The following NPEPPS variants were observed in gnomAD, a reference collection of about 807,000 sequenced individuals.
NPEPPS encodes the protein aminopeptidase puromycin sensitive, also known as puromycin-sensitive aminopeptidase.
A neutral mutation model predicts 115.5 loss-of-function variants in NPEPPS; 14 were observed. The observed-to-expected ratio is 0.12, with a 90% CI of 0.08 to 0.19. NPEPPS has a LOEUF of 0.19. Ranked by LOEUF, NPEPPS falls within the 10% of genes least tolerant of loss-of-function variation. The probability of loss-of-function intolerance (pLI) is 1.00; values close to 1 mark genes in which losing one functional copy is unlikely to be tolerated. For missense variants in NPEPPS, 523 were observed against 1,110.8 expected, an observed-to-expected ratio of 0.47 and a Z score of 7.52; for synonymous variants, 285 against 390.6, an observed-to-expected ratio of 0.73 and a Z score of 3.19.
chr17:47,606,686 G>A (rs374482495), intron 17 of NPEPPS, among the ~76,000 whole-genome samples: 1 of 150,994 alleles, frequency 6.6e-6, no homozygotes, highest in Non-Finnish European at 1.5e-5. Context: ...CAAGTGATCT[G>A]CCCGTCTCGG....
chr17:47,532,117 A>G (rs577903898), intron 1 of NPEPPS, among the ~76,000 whole-genome samples: 6 of 152,030 alleles, frequency 3.9e-5, no homozygotes, highest in African/African-American at 1.4e-4. Flanking sequence ...CGAGAATGTT[A>G]ATCCCAGGCA....
At chr17:47,613,893 ATATCAGTAT>A (rs144417192) in intron 19 of NPEPPS, among the ~76,000 whole-genome samples, 168 bp downstream of exon 19, 8,141 of 152,108 alleles carry the variant, frequency 0.054, 394 homozygotes, top group African/African-American at 0.11. Flanking sequence ...CATATATGTT[ATATCAGTAT>A]TATCAGTATG....
intron 1 of NPEPPS, among the ~76,000 whole-genome samples, chr17:47,540,749 A>G (rs571221850): frequency 1.3e-5 from 2 of 152,358 alleles, no homozygotes; most frequent in South Asian, 2.1e-4. Context: ...CTTAACATCT[A>G]TTAAGTGATG....
chr17:47,607,085 C>T (rs974082262), intron 17 of NPEPPS, among the ~76,000 whole-genome samples: 13 of 151,740 alleles, frequency 8.6e-5, no homozygotes, highest in Admixed American at 7.2e-4. Context: ...CTTAGCTACT[C>T]GGGAGGCTGA....
rs1344729386 is a variant in NPEPPS, at chr17:47,600,069, C to T, written c.1600+330C>T. ...TCCTGACCTCGAGATCCGCCTGCCT[C>T]AGCCTCCCAAAGTGTTGGTATTACA... On this transcript the variant is annotated intron_variant, in intron 14 of 22. Transcript: ENST00000322157. Among the ~76,000 whole-genome samples the T allele has an allele frequency of 2.6e-5, 4 of 152,150 alleles. No individual in the cohort carries two copies. The East Asian group carries it at 5.8e-4, about 22-fold the overall frequency.
chr17:47,562,260 A>G (rs1336269820), intron 2 of NPEPPS, among the ~76,000 whole-genome samples: 2 of 152,200 alleles, frequency 1.3e-5, no homozygotes, highest in Non-Finnish European at 2.9e-5. Flanking sequence ...TAGCCTTACA[A>G]CTAGTGTCTG....
intron 3 of NPEPPS, among the ~76,000 whole-genome samples, chr17:47,577,435 T>A (rs1315347421): frequency 6.6e-6 from 1 of 152,116 alleles, no homozygotes; most frequent in African/African-American, 2.4e-5. Flanking sequence ...TTTAAAAAAA[T>A]TAAGTGAATT....
chr17:47,616,645 T>C (rs1212235834), intron 19 of NPEPPS, among the ~76,000 whole-genome samples: 2 of 150,992 alleles, frequency 1.3e-5, no homozygotes, highest in Non-Finnish European at 3.0e-5. Flanking sequence ...TATTGTGCCA[T>C]TGCACTCCAG....
chr17:47,568,493 G>A (rs772061384), intron 2 of NPEPPS, among the ~76,000 whole-genome samples: 4 of 152,032 alleles, frequency 2.6e-5, no homozygotes, highest in Non-Finnish European at 5.9e-5. Context: ...TTTTCATTTG[G>A]AATGGGGATA....
chr17:47,544,576 C>T (rs1442896505), intron 1 of NPEPPS, among the ~76,000 whole-genome samples: 1 of 149,840 alleles, frequency 6.7e-6, no homozygotes, highest in Non-Finnish European at 1.5e-5. Flanking sequence ...ACTCTGTTAC[C>T]AGGCTGGAGT....
At chr17:47,577,622 C>A (rs1190265299) in intron 3 of NPEPPS, among the ~76,000 whole-genome samples, 1 of 152,106 alleles carries the variant, frequency 6.6e-6, no homozygotes, top group African/African-American at 2.4e-5. Flanking sequence ...TTACAAACAT[C>A]TGATTTTTAA....
At chr17:47,554,502 T>C (rs1376472404) in intron 2 of NPEPPS, among the ~76,000 whole-genome samples, 1 of 152,136 alleles carries the variant, frequency 6.6e-6, no homozygotes, top group South Asian at 2.1e-4. Flanking sequence ...GCTAGGACTA[T>C]AGGTGTGCAC....
At chr17:47,535,729 C>T (rs1334092072) in intron 1 of NPEPPS, among the ~76,000 whole-genome samples, 1 of 150,046 alleles carries the variant, frequency 6.7e-6, no homozygotes, top group African/African-American at 2.5e-5. Context: ...TATTTTGATC[C>T]TCTCCGTTTG....
chr17:47,594,321 TTTTC>T (rs1912704081), intron 12 of NPEPPS, among the ~76,000 whole-genome samples: 1 of 152,190 alleles, frequency 6.6e-6, no homozygotes, highest in South Asian at 2.1e-4. Context: ...TAAAAATAAT[TTTTC>T]TTTCTTGAAT....
chr17:47,587,541 T>G, intron 9 of NPEPPS, among the ~76,000 whole-genome samples, 197 bp downstream of exon 9: 1 of 151,912 alleles, frequency 6.6e-6, no homozygotes, highest in Non-Finnish European at 1.5e-5. Flanking sequence ...TGGACAGTCT[T>G]TATTCAACAG....
At chr17:47,524,008 T>G (rs1206755683) in intron 1 of NPEPPS, among the ~76,000 whole-genome samples, 4 of 151,942 alleles carry the variant, frequency 2.6e-5, no homozygotes, top group Admixed American at 6.6e-5. Context: ...TTTTTTTTTT[T>G]AAGAGACAGG....
At position 47,531,183 on chromosome 17, in the gene NPEPPS, C is replaced by A. The variant is rs1197685833; in HGVS notation, c.-118C>A. The A allele has an allele frequency of 1.7e-5, 24 of 1,379,896 alleles. No homozygotes were observed. The Admixed American group carries it at 4.4e-4, about 25-fold the overall frequency. The allele number at this position is 1,379,896 out of a possible 1,614,324, so 85.5% of individuals were successfully genotyped here. On this transcript the variant is annotated 5_prime_UTR_variant, in exon 1 of 23. Transcript: ENST00000322157. The stretch of plus-strand genomic sequence containing the variant: ...TCCGCCCCCTTCCCCGTAGGCAGCC[C>A]GCCCGCCAGTCCGCCCGCACCGCCT...
chr17:47,599,057 AAGAAT>A (rs1272955580), intron 13 of NPEPPS, among the ~76,000 whole-genome samples: 1 of 152,194 alleles, frequency 6.6e-6, no homozygotes, highest in African/African-American at 2.4e-5. Context: ...TAATTCTTTT[AAGAAT>A]AGGAGAGCTG....
At chr17:47,529,120 C>CTACA (rs924737744), upstream of NPEPPS, among the ~76,000 whole-genome samples, 29 of 152,234 alleles carry the variant, frequency 1.9e-4, no homozygotes, top group African/African-American at 7.0e-4. Flanking sequence ...TTACAACATA[C>CTACA]TACATTCAGT....
Sources: allele counts gnomAD v4.1 joint callset (sites outside exome capture counted in the v4.1 genomes callset), GRCh38; gene constraint gnomAD v4.1.1; transcripts MANE v1.5; gene names NCBI Gene and HGNC (gene_info 2026-07-23, HGNC 2026-07-21).